Variants in ULK4 observed in about 807,000 individuals in gnomAD.
ULK4 encodes unc-51 like kinase 4.
ULK4 carries 133 observed loss-of-function variants against 160.6 expected under a neutral mutation model. The observed-to-expected ratio is 0.83, with a 90% confidence interval of 0.72 to 0.96. The LOEUF (loss-of-function observed/expected upper bound fraction) is 0.96. Ranked by LOEUF, ULK4 falls within the 40% of genes least tolerant of loss-of-function variation. ULK4 has a pLI of 0.00. For synonymous variants in ULK4, 534 were observed against 539.8 expected (o/e 0.99, Z 0.15); for missense variants, 1,580 against 1,499.5 (o/e 1.05, Z -0.89).
At chr3:41,825,623 G>T (rs935567868) in intron 18 of ULK4, among the ~76,000 whole-genome samples, 1 of 152,138 alleles carries the variant, frequency 6.6e-6, no homozygotes, top group Non-Finnish European at 1.5e-5. Flanking sequence ...AAAATAAAAA[G>T]AAATGAAAAA....
chr3:41,458,439 T>C (rs1279282611), intron 33 of ULK4, among the ~76,000 whole-genome samples: 3 of 152,138 alleles, frequency 2.0e-5, no homozygotes, highest in Non-Finnish European at 4.4e-5. Context: ...CTGCTGGAGA[T>C]ATAAGACAGG....
intron 35 of ULK4, among the ~76,000 whole-genome samples, chr3:41,363,546 A>G (rs191705247): frequency 1.3e-4 from 20 of 152,312 alleles, no homozygotes; most frequent in Admixed American, 2.6e-4. Context: ...TATGCAGTGT[A>G]CATTCTAGTT....
At chr3:41,316,100 A>G (rs142944084) in intron 35 of ULK4, among the ~76,000 whole-genome samples, 1 of 152,384 alleles carries the variant, frequency 6.6e-6, no homozygotes, top group East Asian at 1.9e-4. Context: ...ATGTTTATAG[A>G]AGCATTATTA....
At position 41,738,473 on chromosome 3, in the gene ULK4, A is replaced by G. The variant is rs185215847; in HGVS notation, c.2321+15888T>C. Among the ~76,000 whole-genome samples, 50 of 152,070 alleles carry G rather than the reference A, an allele frequency of 3.3e-4. No homozygotes were observed. The East Asian group carries it at 9.1e-3, about 28-fold the overall frequency. ...ATTGGCCCTAAAACACTCTGCAAAG[A>G]TCTGGGACATCTTGACATCCCACCA... On this transcript the variant is annotated intron_variant, in intron 22 of 36. Coordinates refer to ENST00000301831, the MANE Select transcript of ULK4 (RefSeq NM_017886.4).
At chr3:41,732,841 G>A (rs957704490) in intron 22 of ULK4, among the ~76,000 whole-genome samples, 1 of 152,066 alleles carries the variant, frequency 6.6e-6, no homozygotes, top group African/African-American at 2.4e-5. Flanking sequence ...AGAACTGGAG[G>A]GCATTACGTT....
intron 4 of ULK4, among the ~76,000 whole-genome samples, chr3:41,932,435 C>T (rs532486703): frequency 6.6e-6 from 1 of 152,178 alleles, no homozygotes; most frequent in Admixed American, 6.5e-5. Flanking sequence ...AGACCCAGGT[C>T]CACCATTTAC....
At chr3:41,514,920 A>G (rs2085700698) in intron 32 of ULK4, among the ~76,000 whole-genome samples, 1 of 152,210 alleles carries the variant, frequency 6.6e-6, no homozygotes, top group Admixed American at 6.5e-5. Flanking sequence ...TAAGAAAAAA[A>G]GAAATATTCA....
chr3:41,660,102 C>G (rs1445105214), intron 30 of ULK4, among the ~76,000 whole-genome samples: 5 of 152,120 alleles, frequency 3.3e-5, no homozygotes, highest in Non-Finnish European at 5.9e-5. Context: ...CCAGCCTGAC[C>G]AACATGGAGA....
intron 21 of ULK4, among the ~76,000 whole-genome samples, chr3:41,768,379 AAT>A (rs1414653040): frequency 6.6e-6 from 1 of 152,190 alleles, no homozygotes; most frequent in African/African-American, 2.4e-5. Flanking sequence ...GAAAAACACT[AAT>A]GAAGTATATG....
chr3:41,339,336 A>C (rs2080632816), intron 35 of ULK4, among the ~76,000 whole-genome samples: 1 of 152,116 alleles, frequency 6.6e-6, no homozygotes, highest in African/African-American at 2.4e-5. Context: ...TTTACATCCC[A>C]CACAATGCCC....
At chr3:41,493,440 G>C (rs2084868263) in intron 32 of ULK4, among the ~76,000 whole-genome samples, 1 of 131,954 alleles carries the variant, frequency 7.6e-6, no homozygotes, top group Non-Finnish European at 1.7e-5. Flanking sequence ...TGTGTAGAGG[G>C]AAATTTATAG....
chr3:41,275,285 A>G (rs2079210999), intron 35 of ULK4, among the ~76,000 whole-genome samples: 1 of 152,246 alleles, frequency 6.6e-6, no homozygotes, highest in Non-Finnish European at 1.5e-5. Context: ...CCTTCTGCCA[A>G]GTTAGAAACA....
At chr3:41,249,733 T>TC (rs1242904072) in intron 35 of ULK4, among the ~76,000 whole-genome samples, 159 bp from the exon 36 acceptor site, 1 of 151,816 alleles carries the variant, frequency 6.6e-6, no homozygotes, top group Non-Finnish European at 1.5e-5. Flanking sequence ...ATGCGTAACC[T>TC]CCCCCACAGA....
chr3:41,821,269 G>T (rs1185602108), intron 18 of ULK4, among the ~76,000 whole-genome samples: 1 of 152,156 alleles, frequency 6.6e-6, no homozygotes, highest in South Asian at 2.1e-4. Context: ...CCTTAGAGAA[G>T]GTGGCACCAG....
intron 32 of ULK4, among the ~76,000 whole-genome samples, chr3:41,510,117 A>C (rs1232663802): frequency 1.3e-5 from 2 of 152,226 alleles, no homozygotes; most frequent in Non-Finnish European, 2.9e-5. Flanking sequence ...ACATAAACTT[A>C]AGATAAATAA....
At chr3:41,282,688 A>G (rs1391761352) in intron 35 of ULK4, among the ~76,000 whole-genome samples, 2 of 152,262 alleles carry the variant, frequency 1.3e-5, no homozygotes, top group Non-Finnish European at 2.9e-5. Flanking sequence ...AACTAAAACC[A>G]TAAAAACCCT....
intron 17 of ULK4, among the ~76,000 whole-genome samples, chr3:41,851,255 A>G (rs2042205660): frequency 6.6e-6 from 1 of 152,164 alleles, no homozygotes; most frequent in South Asian, 2.1e-4. Context: ...TGTCCCATCA[A>G]TACCTAATTT....
At chr3:41,369,407 T>A (rs572248784) in intron 35 of ULK4, among the ~76,000 whole-genome samples, 3 of 151,686 alleles carry the variant, frequency 2.0e-5, no homozygotes, top group Non-Finnish European at 4.4e-5. Flanking sequence ...GGTGAGAGGA[T>A]CACCTGAGCT....
chr3:41,762,473 C>A (rs1316283342), intron 21 of ULK4, among the ~76,000 whole-genome samples: 1 of 151,998 alleles, frequency 6.6e-6, no homozygotes, highest in African/African-American at 2.4e-5. Context: ...TATTCTCACA[C>A]TGCTATTAAG....
Sources: gnomAD v4.1 joint callset for allele counts (sites outside exome capture counted in the v4.1 genomes callset) on GRCh38, gnomAD v4.1.1 for gene constraint, MANE v1.5 for transcripts, NCBI Gene and HGNC (gene_info 2026-07-23, HGNC 2026-07-21) for gene names.